Variants in RHBG observed in about 807,000 individuals in gnomAD.
RHBG encodes ammonium transporter Rh type B.
Under a neutral mutation model 40.1 loss-of-function variants are expected in RHBG, and 39 were observed. The ratio of observed to expected loss-of-function variants is 0.97; its 90% CI spans 0.75 to 1.27. The LOEUF is 1.27. Ranked by LOEUF, RHBG falls within the 50% of genes most tolerant of loss-of-function variation. The pLI is 0.00. For synonymous variants in RHBG, 237 were observed against 252.5 expected (o/e 0.94, Z 0.58); for missense variants, 549 against 588.1 (o/e 0.93, Z 0.69).
intron 4 of RHBG, among the ~76,000 whole-genome samples, chr1:156,380,112 C>CTTTT (rs67037881): frequency 1.5e-5 from 2 of 130,132 alleles, no homozygotes; most frequent in Non-Finnish European, 1.6e-5. Flanking sequence ...CTTTCTTTTT[C>CTTTT]TTTTTTTTTT....
chr1:156,369,527 C>G (rs1374175694), intron 1 of RHBG, 91 bp downstream of exon 1: 1 of 1,352,540 alleles, frequency 7.4e-7, no homozygotes, highest in South Asian at 1.5e-5. Context: ...TGGGTGCCCG[C>G]ATTTAGCTGG....
intron 4 of RHBG, 65 bp downstream of exon 4, chr1:156,378,464 G>A: frequency 2.0e-6 from 3 of 1,517,082 alleles, no homozygotes; most frequent in South Asian, 2.6e-5. Flanking sequence ...TGGGCCAGAG[G>A]TGACTGTCTC....
intron 4 of RHBG, among the ~76,000 whole-genome samples, chr1:156,380,725 CAAAA>C (rs564713959): frequency 1.1e-3 from 94 of 81,956 alleles, no homozygotes; most frequent in Middle Eastern, 6.5e-3. Flanking sequence ...GACCTTGTCT[CAAAA>C]AAAAAAAAAA....
At chr1:156,371,164 C>CT (rs752310929) in intron 1 of RHBG, 26,009 of 374,922 alleles carry the variant, frequency 0.069, 308 homozygotes, top group African/African-American at 0.13. Context: ...TATTTTCTTT[C>CT]TTTTTTTTTT....
Position 156,378,157 on chromosome 1 carries a change from G to C in RHBG, c.525+17G>C. On this transcript the variant is annotated intron_variant, in intron 3 of 9. Coordinates refer to ENST00000537040, the MANE Select transcript of RHBG (RefSeq NM_020407.5). ...CTCCTGGGGGTGAGAGTCTGGGGAG[G>C]GATGGAGTCGGGGGTGGGGGGTGGT... 7.5e-6 allele frequency: 12 copies of C among 1,603,904 alleles called. No individual in the cohort carries two copies. Among genetic ancestry groups the C allele is most frequent in the Non-Finnish European group, 1.0e-5 (12 of 1,174,580 alleles).
chr1:156,384,689 GCTCCTT>G (rs1392322636), intron 9 of RHBG, 82 bp from the exon 10 acceptor site: 64 of 1,541,440 alleles, frequency 4.2e-5, no homozygotes, highest in Non-Finnish European at 5.4e-5. Context: ...CTTCCTTGCT[GCTCCTT>G]CTCCTCTGGG....
Position 156,377,998 on chromosome 1 carries a change from A to T in RHBG, c.383A>T (p.Asn128Ile). 1 of 1,547,674 alleles carries T rather than the reference A, an allele frequency of 6.5e-7. No individual in the cohort carries two copies. Among genetic ancestry groups the T allele is most frequent in the Non-Finnish European group, 8.7e-7 (1 of 1,144,318 alleles). The change falls in exon 3 of 10, where the codon AAT (asparagine) becomes ATT (isoleucine). Residue 128 changes from asparagine (N) to isoleucine (I), a missense_variant. Transcript: ENST00000537040. This position sits in a 1 kb window ranked among gnomAD's most constrained non-coding sequence, Gnocchi z 4.6. Reference sequence around the variant, plus strand: ...TTCTGCCCCATCCCCAGCATGATCAATGCTGACTTTTGTGCGGGGGCCGTG... The same window carrying T: ...TTCTGCCCCATCCCCAGCATGATCATTGCTGACTTTTGTGCGGGGGCCGTG... The part of the protein sequence containing the change: ...HIHVGVESMI[N>I]ADFCAGAVLI...
At position 156,377,072 on chromosome 1, in the gene RHBG, C is replaced by T. The variant is rs560032238; in HGVS notation, c.188-229C>T. On this transcript the variant is annotated intron_variant, in intron 1 of 9. Transcript: ENST00000537040. The surrounding 1 kb of genome is among the most constrained non-coding windows in gnomAD (Gnocchi z 4.6). ...TAGAGCAGAAGGCTTTACTCCCTTG[C>T]TCTGACACGAGGACAGCAGGGATGT... Among the ~76,000 whole-genome samples, 60 of 152,342 alleles carry T rather than the reference C, an allele frequency of 3.9e-4. No individual in the cohort carries two copies. The highest frequency in any genetic ancestry group is 1.4e-3 in the African/African-American group (57 of 41,584).
At position 156,377,459 on chromosome 1, in the gene RHBG, G is replaced by A. The variant is rs774514973; in HGVS notation, c.346G>A (p.Gly116Ser). Reference sequence around the variant, plus strand: ...CCAGGGCTTTCTCCACTCCTTCCACGGTGGCCACATCCATGTTGGCGTGGA... The same window carrying A: ...CCAGGGCTTTCTCCACTCCTTCCACAGTGGCCACATCCATGTTGGCGTGGA... The part of the protein sequence containing the change: ...LVQGFLHSFH[G>S]GHIHVGVESM... Residue 116 changes from glycine (G) to serine (S), a missense_variant, in exon 2 of 10, where the codon GGT becomes AGT. Around this residue, in one of 3 missense-constraint regions of RHBG, gnomAD observed 51 missense variants for 85.9 expected, o/e 0.59. Coordinates refer to ENST00000537040, the MANE Select transcript of RHBG (RefSeq NM_020407.5). The surrounding 1 kb of genome is among the most constrained non-coding windows in gnomAD (Gnocchi z 4.6). 5.6e-5 allele frequency: 90 copies of A among 1,612,774 alleles called. 1 individual carries two copies. The East Asian group carries it at 1.6e-3, about 28-fold the overall frequency.
At position 156,384,926 on chromosome 1, in the gene RHBG, C is replaced by A; in HGVS notation, c.*81C>A. The A allele has an allele frequency of 1.1e-6, 1 of 878,146 alleles. No homozygotes were observed. The highest frequency in any genetic ancestry group is 1.6e-5 in the South Asian group (1 of 64,158). The allele number at this position is 878,146 out of a possible 1,614,324, so 54.4% of individuals were successfully genotyped here. ...TACTAGGAAGTTCTTTTTGAGCTCC[C>A]ATTCCTCCAGCTGCAAGAAGGGAGC... is the stretch of plus-strand genomic sequence containing the variant. On this transcript the variant is annotated 3_prime_UTR_variant, in exon 10 of 10. Transcript: ENST00000537040.
intron 6 of RHBG, 47 bp downstream of exon 6, chr1:156,381,990 C>T (rs193181406): frequency 6.2e-6 from 10 of 1,609,046 alleles, no homozygotes; most frequent in African/African-American, 5.4e-5. Context: ...GTCTTTGGTA[C>T]CTTTCCTCCC....
chr1:156,382,781 C>T lies in RHBG; in HGVS notation c.1146C>T (p.Gly382=), dbSNP rs762620636. 1 of 1,614,200 alleles carries T rather than the reference C, an allele frequency of 6.2e-7. No individual in the cohort carries two copies. The highest frequency in any genetic ancestry group is 2.2e-5 in the East Asian group (1 of 44,884). Residue 382 remains glycine (G), a synonymous_variant, in exon 8 of 10, where the codon GGC becomes GGT. Coordinates refer to ENST00000537040, the MANE Select transcript of RHBG (RefSeq NM_020407.5). ...LESVFPLIAE[G]QRSATSQAMH... is the part of the protein sequence containing the mutation. ...GTGTGTTTCCACTCATAGCCGAGGG[C>T]CAGCGCAGTGCCACGTCACAGGCCA...
chr1:156,377,226 G>A lies in RHBG; in HGVS notation c.188-75G>A. 1 of 1,497,762 alleles carries A rather than the reference G, an allele frequency of 6.7e-7. No homozygotes were observed. The highest frequency in any genetic ancestry group is 9.2e-7 in the Non-Finnish European group (1 of 1,090,420). The allele number at this position is 1,497,762 out of a possible 1,614,324, so 92.8% of individuals were successfully genotyped here. A position where few individuals can be genotyped will look rare whatever the true frequency, so the allele number is the denominator to read the frequency against. On this transcript the variant is annotated intron_variant, in intron 1 of 9. Coordinates refer to ENST00000537040, the MANE Select transcript of RHBG (RefSeq NM_020407.5). This position sits in a 1 kb window ranked among gnomAD's most constrained non-coding sequence, Gnocchi z 4.6. ...TGGCTGGTGAGAGCCAGGGGCACTG[G>A]CAGGGTAGCTGACTGGATTGTGGGC...
At chr1:156,384,736 C>T in intron 9 of RHBG, 41 bp from the exon 10 acceptor site, 1 of 1,604,732 alleles carries the variant, frequency 6.2e-7, no homozygotes. Flanking sequence ...TTCCAGGCTC[C>T]TGGAGCTACC....
intron 7 of RHBG, 71 bp downstream of exon 7, chr1:156,382,272 T>C: frequency 6.3e-7 from 1 of 1,592,698 alleles, no homozygotes; most frequent in Non-Finnish European, 8.6e-7. Flanking sequence ...TCTTTCACTG[T>C]GTGTGACCAA....
At position 156,378,042 on chromosome 1, in the gene RHBG, G is replaced by A. The variant is rs115199763; in HGVS notation, c.427G>A (p.Val143Ile). ...AGAVLISFGA[V>I]LGKTGPTQLL... ...GGCCGTGCTCATCTCCTTTGGTGCC[G>A]TCCTGGGCAAGACCGGGCCTACCCA... Residue 143 changes from valine (V) to isoleucine (I), a missense_variant, in exon 3 of 10, where the codon GTC becomes ATC. By Grantham distance (29) the Val-to-Ile change is conservative. Around this residue, in one of 3 missense-constraint regions of RHBG, gnomAD observed 399 missense variants for 417.0 expected, o/e 0.96. Coordinates refer to ENST00000537040, the MANE Select transcript of RHBG (RefSeq NM_020407.5). 4,766 of 1,589,460 alleles carry A rather than the reference G, an allele frequency of 3.0e-3. 118 individuals carry two copies. In the African/African-American group the frequency reaches 0.056, roughly 19 times the overall value.
chr1:156,375,464 A>T (rs2101769002), intron 1 of RHBG, among the ~76,000 whole-genome samples: 1 of 152,220 alleles, frequency 6.6e-6, no homozygotes, highest in Admixed American at 6.5e-5. Flanking sequence ...CAAAAAAAAA[A>T]AAAAAAGCAT....
At chr1:156,383,926 C>T (rs746317206) in intron 8 of RHBG, among the ~76,000 whole-genome samples, 3 of 150,350 alleles carry the variant, frequency 2.0e-5, no homozygotes, top group South Asian at 2.1e-4. Flanking sequence ...CTCCACCTCC[C>T]GGGTTCAAGC....
chr1:156,370,614 C>CAAAAAAAAAAAAAAA (rs59248542), intron 1 of RHBG, among the ~76,000 whole-genome samples: 1 of 66,068 alleles, frequency 1.5e-5, no homozygotes, highest in Non-Finnish European at 2.6e-5. Context: ...GACTCTGTCT[C>CAAAAAAAAAAAAAAA]AAAAAAAAAA....
Sources: allele counts gnomAD v4.1 joint callset (sites outside exome capture counted in the v4.1 genomes callset), GRCh38; gene constraint gnomAD v4.1.1; regional missense constraint gnomAD v4.1.1; non-coding constraint Gnocchi (gnomAD v3.1); transcripts MANE v1.5; gene names NCBI Gene and HGNC (gene_info 2026-07-23, HGNC 2026-07-21).